ACCSL: variants seen among roughly 807,000 people sequenced by gnomAD.
ACCSL encodes the protein probable inactive 1-aminocyclopropane-1-carboxylate synthase-like protein 2.
Under a neutral mutation model 61.7 loss-of-function variants are expected in ACCSL, and 55 were observed. The observed-to-expected ratio is 0.89, with a 90% CI of 0.72 to 1.12. The LOEUF (loss-of-function observed/expected upper bound fraction) is 1.12, where lower values mean the gene tolerates loss of function less well. Among genes scored for constraint, ACCSL ranks in the 50% most tolerant of loss-of-function variants. The pLI is 0.00. For synonymous variants in ACCSL, 258 were observed against 264.3 expected, an observed-to-expected ratio of 0.98 and a Z score of 0.23; for missense variants, 632 against 698.0, an observed-to-expected ratio of 0.91 and a Z score of 1.07.
chr11:43,994,579 T>A, the ACCSL span, among the ~76,000 whole-genome samples: 3 of 152,072 alleles, frequency 2.0e-5, no homozygotes, highest in Non-Finnish European at 4.4e-5. Flanking sequence ...TAGTTTCTTG[T>A]TTCTAAGAAT....
chr11:43,940,944 T>G, the ACCSL span, among the ~76,000 whole-genome samples: 1 of 152,214 alleles, frequency 6.6e-6, no homozygotes, highest in Non-Finnish European at 1.5e-5. Context: ...CAGCTCTTGC[T>G]ACTTCCTGCT....
chr11:44,032,961 C>T, the ACCSL span, among the ~76,000 whole-genome samples: 310 of 152,300 alleles, frequency 2.0e-3, 2 homozygotes, highest in African/African-American at 6.7e-3. Flanking sequence ...TCCCTGGCGA[C>T]AGTGGGAGGA....
the ACCSL span, among the ~76,000 whole-genome samples, chr11:44,013,341 G>A: frequency 7.2e-5 from 11 of 152,248 alleles, no homozygotes; most frequent in South Asian, 6.2e-4. Flanking sequence ...GTGCAGTGGC[G>A]CAATCTCGGC....
the ACCSL span, among the ~76,000 whole-genome samples, chr11:43,927,010 A>T: frequency 6.6e-6 from 1 of 152,188 alleles, no homozygotes; most frequent in Non-Finnish European, 1.5e-5. Flanking sequence ...GGCCTCCCAG[A>T]GTGCTGGGAC....
chr11:43,924,612 G>A, the ACCSL span, among the ~76,000 whole-genome samples: 1 of 152,262 alleles, frequency 6.6e-6, no homozygotes, highest in African/African-American at 2.4e-5. Flanking sequence ...ACCCGTTCCT[G>A]CGGCACAAGA....
At chr11:43,962,115 T>G in the ACCSL span, among the ~76,000 whole-genome samples, 3 of 152,150 alleles carry the variant, frequency 2.0e-5, no homozygotes, top group African/African-American at 7.2e-5. Flanking sequence ...TCTCCCTCCC[T>G]CTCTGTCATT....
chr11:43,924,224 G>T, the ACCSL span, among the ~76,000 whole-genome samples: 1 of 152,246 alleles, frequency 6.6e-6, no homozygotes, highest in Non-Finnish European at 1.5e-5. Context: ...GTACCCAGAG[G>T]ATTTATCAGA....
the ACCSL span, among the ~76,000 whole-genome samples, chr11:43,992,610 A>G: frequency 6.6e-6 from 1 of 152,136 alleles, no homozygotes; most frequent in Non-Finnish European, 1.5e-5. Context: ...AGATACCTCT[A>G]ATGACCCACT....
chr11:44,058,515 G>A, intron 12 of ACCSL, 31 bp from the exon 13 acceptor site: 1 of 1,613,884 alleles, frequency 6.2e-7, no homozygotes, highest in Non-Finnish European at 8.5e-7. Context: ...GCTGGGTCTT[G>A]GGCTCAGTTC....
At chr11:44,000,122 T>G in the ACCSL span, among the ~76,000 whole-genome samples, 5 of 152,036 alleles carry the variant, frequency 3.3e-5, no homozygotes, top group Non-Finnish European at 5.9e-5. Context: ...TCTATTTTTC[T>G]TTCCTTTCTT....
the ACCSL span, among the ~76,000 whole-genome samples, chr11:44,024,619 C>A: frequency 6.6e-6 from 1 of 152,026 alleles, no homozygotes. Flanking sequence ...ATGGTCTATC[C>A]TGGAGAATGT....
At chr11:44,047,381 C>T (rs760741174), upstream of ACCSL, among the ~76,000 whole-genome samples, 2 of 152,180 alleles carry the variant, frequency 1.3e-5, no homozygotes, top group Non-Finnish European at 2.9e-5. Flanking sequence ...TGTTCTTCAA[C>T]AGGGCTTGGC....
At chr11:43,931,657 A>G in the ACCSL span, among the ~76,000 whole-genome samples, 3 of 152,208 alleles carry the variant, frequency 2.0e-5, no homozygotes, top group Non-Finnish European at 4.4e-5. Context: ...CTGGGAAGAT[A>G]CATTTAAGGG....
At chr11:44,047,119 C>A (rs1424500146), upstream of ACCSL, among the ~76,000 whole-genome samples, 1 of 152,178 alleles carries the variant, frequency 6.6e-6, no homozygotes, top group Non-Finnish European at 1.5e-5. Flanking sequence ...CATACTGACT[C>A]AAAATTCAGG....
the ACCSL span, among the ~76,000 whole-genome samples, chr11:43,967,697 C>A: frequency 1.8e-4 from 28 of 152,048 alleles, no homozygotes; most frequent in African/African-American, 6.3e-4. Flanking sequence ...GTTTTACTGA[C>A]CTTTACCACA....
chr11:44,018,825 G>A, the ACCSL span, among the ~76,000 whole-genome samples: 11 of 152,002 alleles, frequency 7.2e-5, no homozygotes, highest in African/African-American at 2.7e-4. Context: ...GAAATAAAAC[G>A]AAAATTAAAA....
chr11:43,963,358 G>A, the ACCSL span, among the ~76,000 whole-genome samples: 2 of 152,190 alleles, frequency 1.3e-5, no homozygotes, highest in South Asian at 2.1e-4. Context: ...CCAGTGACAA[G>A]CTTTCTCCAG....
upstream of ACCSL, among the ~76,000 whole-genome samples, chr11:44,047,544 T>A (rs967126169): frequency 1.3e-5 from 2 of 152,228 alleles, no homozygotes; most frequent in African/African-American, 4.8e-5. Context: ...TGGGGCTGTG[T>A]TCCAATAAAA....
chr11:44,037,408 C>T, the ACCSL span, among the ~76,000 whole-genome samples: 3 of 152,236 alleles, frequency 2.0e-5, no homozygotes, highest in East Asian at 1.9e-4. Context: ...CTGCTCCCAG[C>T]CTTTCTGAGG....
Sources: gnomAD v4.1 joint callset for allele counts (sites outside exome capture counted in the v4.1 genomes callset) on GRCh38, gnomAD v4.1.1 for gene constraint, MANE v1.5 for transcripts, NCBI Gene and HGNC (gene_info 2026-07-23, HGNC 2026-07-21) for gene names.